Variants in LRRC75B observed in about 807,000 individuals in gnomAD.
LRRC75B encodes the protein leucine rich repeat containing 75B, also known as leucine-rich repeat-containing protein 75B.
A neutral mutation model predicts 16.5 loss-of-function variants in LRRC75B; 20 were observed. The observed-to-expected ratio is 1.21, with a 90% CI of 0.85 to 1.76. LRRC75B has a LOEUF of 1.76. Ranked by LOEUF, LRRC75B falls within the 40% of genes most tolerant of loss-of-function variation. The pLI is 0.00. For missense variants in LRRC75B, 406 were observed against 417.0 expected (o/e 0.97, Z 0.23); for synonymous variants, 199 against 198.1 (o/e 1.00, Z -0.04).
At chr22:24,587,652 G>A (rs2045437700) in intron 3 of LRRC75B, among the ~76,000 whole-genome samples, 1 of 152,212 alleles carries the variant, frequency 6.6e-6, no homozygotes, top group Non-Finnish European at 1.5e-5. Flanking sequence ...GTCACTCCAG[G>A]ATGGAGTGTC....
intron 1 of LRRC75B, chr22:24,592,424 C>G (rs944801751): frequency 2.1e-6 from 1 of 470,506 alleles, no homozygotes; most frequent in Middle Eastern, 3.3e-4. Context: ...CTCCCGGATC[C>G]TGGAGGAGGG....
At chr22:24,586,461 C>G (rs1324623804) in intron 3 of LRRC75B, 50 bp from the exon 4 acceptor site, 4 of 1,559,304 alleles carry the variant, frequency 2.6e-6, no homozygotes, top group East Asian at 4.5e-5. Context: ...GGCAGTCCCC[C>G]CACTGACCAC....
intron 2 of LRRC75B, chr22:24,589,392 AC>A: frequency 1.8e-6 from 2 of 1,081,424 alleles, no homozygotes; most frequent in Non-Finnish European, 2.3e-6. Flanking sequence ...CAGGATGGAG[AC>A]CTGCGGACAG....
intron 1 of LRRC75B, 63 bp from the exon 2 acceptor site, chr22:24,590,012 C>CTCG: frequency 2.0e-6 from 3 of 1,478,614 alleles, no homozygotes; most frequent in Middle Eastern, 3.6e-4. Flanking sequence ...GGCACCACCC[C>CTCG]AGCCAGCCAG....
In LRRC75B at chr22:24,586,042, G is replaced by A; in HGVS notation, c.792C>T (p.Arg264=). 1.2e-6 allele frequency: 2 copies of A among 1,611,370 alleles called. No individual in the cohort carries two copies. Among genetic ancestry groups the A allele is most frequent in the Non-Finnish European group, 1.7e-6 (2 of 1,179,910 alleles). Residue 264 remains arginine, a synonymous_variant, in exon 4 of 4, where the codon CGC becomes CGT. Transcript: ENST00000318753. ...GTGAGGTGCGCTGGCTCAGCCGCCG[G>A]CGCAGGCCGACCAGCAGGGGCTGGG... is the stretch of plus-strand genomic sequence containing the variant. ...SLPQPLLVGL[R]RRLSQRTSLP...
At chr22:24,589,084 C>T in intron 2 of LRRC75B, 1 of 1,073,770 alleles carries the variant, frequency 9.3e-7, no homozygotes, top group Non-Finnish European at 1.1e-6. Flanking sequence ...TAGGGGCCGA[C>T]TGTGCAGAGA....
Position 24,585,805 on chromosome 22 carries a change from G to A in LRRC75B, c.*81C>T. On this transcript the variant is annotated 3_prime_UTR_variant, in exon 4 of 4. Transcript: ENST00000318753. Reference sequence around the variant, plus strand: ...ACACTGGATTTCTGGGGGCCTGTGAGTCCTCCTTGACCTTCATCGCCCACT... The same window carrying A: ...ACACTGGATTTCTGGGGGCCTGTGAATCCTCCTTGACCTTCATCGCCCACT... 7.4e-7 allele frequency: 1 copy of A among 1,342,868 alleles called. No homozygotes were observed. The highest frequency in any genetic ancestry group is 1.5e-5 in the South Asian group (1 of 67,298). 83.2% of individuals were successfully genotyped at this position (1,342,868 alleles called of 1,614,324 possible).
rs187633273 is a variant in LRRC75B, at chr22:24,589,275, G to A, written c.306+546C>T. ...ATGGGGTTCTGGGCAGCTGTGGGGT[G>A]GAGGCTGCAGGTGGCAAACTCCACC... On this transcript the variant is annotated intron_variant, in intron 2 of 3. Coordinates refer to ENST00000318753, the MANE Select transcript of LRRC75B (RefSeq NM_207644.3). The A allele has an allele frequency of 1.9e-3, 2,341 of 1,247,996 alleles. 2 individuals carry two copies. Among genetic ancestry groups the A allele is most frequent in the Admixed American group, 2.8e-3 (96 of 34,192 alleles). The allele number at this position is 1,247,996 out of a possible 1,614,324, so 77.3% of individuals were successfully genotyped here. A position where few individuals can be genotyped will look rare whatever the true frequency, so the allele number is the denominator to read the frequency against.
Position 24,592,888 on chromosome 22 carries a change from C to A in LRRC75B, c.152G>T (p.Arg51Leu). 7.8e-7 allele frequency: 1 copy of A among 1,279,570 alleles called. No individual in the cohort carries two copies. The highest frequency in any genetic ancestry group is 9.9e-7 in the Non-Finnish European group (1 of 1,012,754). 79.3% of individuals were successfully genotyped at this position (1,279,570 alleles called of 1,614,324 possible). The change falls in exon 1 of 4, where the codon CGG (arginine) becomes CTG (leucine). Residue 51 changes from arginine to leucine, a missense_variant. By Grantham distance (102) the Arg-to-Leu change is moderately radical (BLOSUM62 -2). Coordinates refer to ENST00000318753, the MANE Select transcript of LRRC75B (RefSeq NM_207644.3). ...TLRERRPERA[R>L]QLLRLLRQDL... ...CTGGCGCAGGAGGCGCAGCAGCTGC[C>A]GGGCGCGCTCCGGCCGCCGCTCGCG...
intron 1 of LRRC75B, among the ~76,000 whole-genome samples, chr22:24,591,753 T>G (rs927624664): frequency 6.6e-6 from 1 of 152,226 alleles, no homozygotes; most frequent in African/African-American, 2.4e-5. Context: ...TGCTCTGCTG[T>G]TTGCCACAGA....
intron 3 of LRRC75B, among the ~76,000 whole-genome samples, chr22:24,587,054 C>G (rs975007993): frequency 1.3e-5 from 2 of 152,202 alleles, no homozygotes; most frequent in Non-Finnish European, 2.9e-5. Context: ...TCTTCCATGG[C>G]CACACACCAC....
intron 1 of LRRC75B, 126 bp from the exon 2 acceptor site, chr22:24,590,075 A>G (rs1601594270): frequency 1.7e-6 from 2 of 1,180,624 alleles, no homozygotes; most frequent in Non-Finnish European, 2.3e-6. Flanking sequence ...GGCTGGCTGG[A>G]TTCTCCCCAC....
chr22:24,585,829 C>G lies in LRRC75B; in HGVS notation c.*57G>C. 1 of 1,462,548 alleles carries G rather than the reference C, an allele frequency of 6.8e-7. No homozygotes were observed. The highest frequency in any genetic ancestry group is 9.1e-7 in the Non-Finnish European group (1 of 1,101,316). The allele number at this position is 1,462,548 out of a possible 1,614,324, so 90.6% of individuals were successfully genotyped here. A position where few individuals can be genotyped will look rare whatever the true frequency, so the allele number is the denominator to read the frequency against. On this transcript the variant is annotated 3_prime_UTR_variant, in exon 4 of 4. Coordinates refer to ENST00000318753, the MANE Select transcript of LRRC75B (RefSeq NM_207644.3). ...AGTCCTCCTTGACCTTCATCGCCCA[C>G]TATCATGTGCTTGAGAGCATCACAA...
At position 24,589,843 on chromosome 22, in the gene LRRC75B, C is replaced by G. The variant is rs372834897; in HGVS notation, c.284G>C (p.Arg95Pro). 1 of 1,613,368 alleles carries G rather than the reference C, an allele frequency of 6.2e-7. No homozygotes were observed. Among genetic ancestry groups the G allele is most frequent in the Non-Finnish European group, 8.5e-7 (1 of 1,179,790 alleles). Residue 95 changes from arginine to proline, a missense_variant, in exon 2 of 4, where the codon CGG becomes CCG. Physicochemically the swap from Arg to Pro is moderately radical, Grantham distance 103. Transcript: ENST00000318753. ...ISHDLLVNLA[R>P]DLQCPKKDYE... ...CACCTTCTTGGGGCACTGCAGGTCC[C>G]GGGCCAGGTTCACAAGCAGGTCATG...
rs984185863 is a variant in LRRC75B at position 24,592,605 on chromosome 22, C to T, written c.177+258G>A. 88 of 526,240 alleles carry T rather than the reference C, an allele frequency of 1.7e-4. 1 individual carries two copies. Among genetic ancestry groups the T allele is most frequent in the South Asian group, 1.5e-3 (75 of 50,426 alleles). The allele number at this position is 526,240 out of a possible 1,614,324, so 32.6% of individuals were successfully genotyped here. ...CTCAAACCCCAAAGACCCGGACACA[C>T]TCAGCAGCCCCCTCCTCCACACGGT... On this transcript the variant is annotated intron_variant, in intron 1 of 3. Coordinates refer to ENST00000318753, the MANE Select transcript of LRRC75B (RefSeq NM_207644.3).
chr22:24,589,233 C>G (rs754641680), intron 2 of LRRC75B: 1 of 1,262,494 alleles, frequency 7.9e-7, no homozygotes, highest in South Asian at 1.3e-5. Flanking sequence ...GGCAGGACAT[C>G]TGCAGGTGCT....
Position 24,585,740 on chromosome 22 carries a change from AG to A in LRRC75B, c.*145del. 4.2e-6 allele frequency: 4 copies of A among 950,744 alleles called. No homozygotes were observed. The highest frequency in any genetic ancestry group is 4.6e-6 in the Non-Finnish European group (3 of 657,944). 58.9% of individuals were successfully genotyped at this position (950,744 alleles called of 1,614,324 possible). Reference sequence around the variant, plus strand: ...AGGGCTGGCCACCTGGCCACCTATGAGTCCATTCTTCTGTCCCCTTAATCTC... The same window carrying A: ...AGGGCTGGCCACCTGGCCACCTATGATCCATTCTTCTGTCCCCTTAATCTC... On this transcript the variant is annotated 3_prime_UTR_variant, in exon 4 of 4. Transcript: ENST00000318753.
chr22:24,589,306 AAGG>A (rs1366510897), intron 2 of LRRC75B: 69 of 1,203,466 alleles, frequency 5.7e-5, no homozygotes, highest in Non-Finnish European at 7.1e-5. Context: ...CCACCCCAGC[AAGG>A]AGGAGGGCCT....
At position 24,586,323 on chromosome 22, in the gene LRRC75B, T is replaced by C. The variant is rs369178498; in HGVS notation, c.511A>G (p.Ile171Val). ...IPLSTQDVQH[I>V]TRYLSSHGAV... Reference sequence around the variant, plus strand: ...CCATGGCTGCTCAGGTAGCGTGTGATGTGTTGCACGTCCTGTGTCGACAGC... The same window carrying C: ...CCATGGCTGCTCAGGTAGCGTGTGACGTGTTGCACGTCCTGTGTCGACAGC... Residue 171 changes from isoleucine to valine, a missense_variant, in exon 4 of 4, where the codon ATC (isoleucine) becomes GTC (valine). Ile to Val is a conservative substitution (Grantham distance 29, BLOSUM62 3). Coordinates refer to ENST00000318753, the MANE Select transcript of LRRC75B (RefSeq NM_207644.3). 16 of 1,613,870 alleles carry C rather than the reference T, an allele frequency of 9.9e-6. No homozygotes were observed. The highest frequency in any genetic ancestry group is 4.0e-5 in the African/African-American group (3 of 74,946).
Sources: allele counts gnomAD v4.1 joint callset (sites outside exome capture counted in the v4.1 genomes callset), GRCh38; gene constraint gnomAD v4.1.1; transcripts MANE v1.5; gene names NCBI Gene and HGNC (gene_info 2026-07-23, HGNC 2026-07-21).